The following AGBL1 variants were observed in gnomAD, a reference collection of about 807,000 sequenced individuals.
AGBL1 encodes AGBL carboxypeptidase 1.
In AGBL1, 130 loss-of-function variants were observed where a neutral mutation model predicts 118.9. The ratio of observed to expected loss-of-function variants is 1.09; its 90% CI spans 0.95 to 1.26. The LOEUF is 1.26. Among genes scored for constraint, AGBL1 ranks in the 50% most tolerant of loss-of-function variants. AGBL1 has a pLI of 0.00. For missense variants in AGBL1, 1,584 were observed against 1,298.1 expected (o/e 1.22, Z -3.38); for synonymous variants, 555 against 478.9 (o/e 1.16, Z -2.08).
intron 23 of AGBL1, among the ~76,000 whole-genome samples, chr15:86,963,745 C>T (rs780585776): frequency 4.0e-5 from 6 of 151,860 alleles, no homozygotes; most frequent in Non-Finnish European, 7.4e-5. Flanking sequence ...TTTTGAGTTA[C>T]TGCCTTTCTC....
chr15:86,752,458 C>T (rs150002945), intron 22 of AGBL1, among the ~76,000 whole-genome samples: 2 of 152,164 alleles, frequency 1.3e-5, no homozygotes, highest in African/African-American at 2.4e-5. Context: ...CTAGGTTCTT[C>T]CTGAGGTAAT....
At chr15:86,431,304 T>C (rs2081932875) in intron 18 of AGBL1, among the ~76,000 whole-genome samples, 1 of 152,218 alleles carries the variant, frequency 6.6e-6, no homozygotes, top group Admixed American at 6.5e-5. Context: ...CCTACTTTCT[T>C]ATAAGTAAAA....
intron 18 of AGBL1, among the ~76,000 whole-genome samples, chr15:86,470,160 A>G (rs1390244460): frequency 6.6e-6 from 1 of 152,122 alleles, no homozygotes; most frequent in Non-Finnish European, 1.5e-5. Context: ...ACTAATGTTA[A>G]TAAGTTTTTG....
chr15:86,547,081 G>A (rs1377402387), intron 20 of AGBL1, among the ~76,000 whole-genome samples: 1 of 152,046 alleles, frequency 6.6e-6, no homozygotes, highest in East Asian at 1.9e-4. Context: ...ATAGACTGCC[G>A]CTGATCAATA....
intron 22 of AGBL1, among the ~76,000 whole-genome samples, chr15:86,819,947 T>C (rs1430026812): frequency 1.3e-5 from 2 of 152,106 alleles, no homozygotes; most frequent in Non-Finnish European, 2.9e-5. Context: ...AACAGATATA[T>C]AGACCAATGG....
chr15:86,684,799 ACT>A (rs935026477), intron 22 of AGBL1, among the ~76,000 whole-genome samples: 5 of 152,120 alleles, frequency 3.3e-5, no homozygotes, highest in African/African-American at 1.2e-4. Flanking sequence ...TCCTGCATTT[ACT>A]CTCAAAGGTA....
At chr15:86,646,706 G>A (rs944498946) in intron 21 of AGBL1, among the ~76,000 whole-genome samples, 4 of 151,938 alleles carry the variant, frequency 2.6e-5, no homozygotes, top group African/African-American at 9.7e-5. Context: ...AAAGTCAGGG[G>A]GTCACAATTT....
At chr15:86,128,954 A>G (rs564716513) in intron 1 of AGBL1, among the ~76,000 whole-genome samples, 1 of 152,334 alleles carries the variant, frequency 6.6e-6, no homozygotes, top group East Asian at 1.9e-4. Flanking sequence ...TCTCCCAATT[A>G]TATTAACACA....
chr15:86,495,877 G>C (rs2082847143), intron 18 of AGBL1, among the ~76,000 whole-genome samples: 1 of 151,192 alleles, frequency 6.6e-6, no homozygotes, highest in Non-Finnish European at 1.5e-5. Flanking sequence ...ATCTCTGAAG[G>C]ATGTTTATAA....
At chr15:86,189,074 A>G (rs1009488561) in intron 5 of AGBL1, among the ~76,000 whole-genome samples, 2 of 152,228 alleles carry the variant, frequency 1.3e-5, no homozygotes, top group African/African-American at 4.8e-5. Flanking sequence ...GTCAATGAAA[A>G]GGGCAACCAA....
intron 21 of AGBL1, among the ~76,000 whole-genome samples, chr15:86,581,662 G>A (rs1461127711): frequency 6.6e-6 from 1 of 152,106 alleles, no homozygotes; most frequent in African/African-American, 2.4e-5. Flanking sequence ...TGAATGGGTT[G>A]AGTACAGCTG....
chr15:86,549,750 A>C (rs2083638504), intron 20 of AGBL1, among the ~76,000 whole-genome samples: 1 of 151,912 alleles, frequency 6.6e-6, no homozygotes, highest in Admixed American at 6.6e-5. Context: ...TATGTTCAAA[A>C]GTTAATGGCA....
rs1245927200 is a variant in AGBL1, at chr15:86,909,155, A to C, written c.*1861A>C. The C allele has an allele frequency of 2.0e-5, 3 of 152,254 alleles. No homozygotes were observed. Among genetic ancestry groups the C allele is most frequent in the Admixed American group, 6.5e-5 (1 of 15,286 alleles). 9.4% of individuals were successfully genotyped at this position (152,254 alleles called of 1,614,324 possible). A position where few individuals can be genotyped will look rare whatever the true frequency, so the allele number is the denominator to read the frequency against. ...TCTTCTTAATCCCACCGGCTGAAAA[A>C]AATGGGCCTATAGCCACAGGAAGCT... On this transcript the variant is annotated 3_prime_UTR_variant, in exon 23 of 23. Coordinates refer to ENST00000614907, the MANE Select transcript of AGBL1 (RefSeq NM_001386094.1).
chr15:87,009,863 T>G (rs1457350335), intron 24 of AGBL1, among the ~76,000 whole-genome samples: 1 of 152,246 alleles, frequency 6.6e-6, no homozygotes, highest in African/African-American at 2.4e-5. Flanking sequence ...TTCTCTCATT[T>G]GAAATGGCCG....
At position 86,268,828 on chromosome 15, in the gene AGBL1, G is replaced by A. The variant is rs141864473; in HGVS notation, c.1839-1091G>A. Among the ~76,000 whole-genome samples the A allele has an allele frequency of 2.7e-3, 416 of 152,232 alleles. 2 individuals are homozygous for A. The highest frequency in any genetic ancestry group is 9.5e-3 in the African/African-American group (394 of 41,544). On this transcript the variant is annotated intron_variant, in intron 13 of 22. Coordinates refer to ENST00000614907, the MANE Select transcript of AGBL1 (RefSeq NM_001386094.1). ...TCTGCTCTCATCTGTCTTATACCAA[G>A]CTCAGCGTTTCATAAATCTCACACA...
chr15:86,425,118 T>A (rs2081850398), intron 18 of AGBL1, among the ~76,000 whole-genome samples: 1 of 152,146 alleles, frequency 6.6e-6, no homozygotes, highest in African/African-American at 2.4e-5. Context: ...CTATTCACAA[T>A]AGCAAACACT....
intron 18 of AGBL1, among the ~76,000 whole-genome samples, chr15:86,459,365 C>T (rs367941688): frequency 3.9e-5 from 6 of 152,086 alleles, no homozygotes; most frequent in East Asian, 3.9e-4. Flanking sequence ...GAAGCCACAA[C>T]GAGTGACAAA....
intron 21 of AGBL1, among the ~76,000 whole-genome samples, chr15:86,637,494 A>C (rs754167764): frequency 2.3e-4 from 35 of 152,262 alleles, no homozygotes; most frequent in Non-Finnish European, 3.8e-4. Context: ...AGAGAGGAGG[A>C]AAAGAAGCTA....
intron 5 of AGBL1, among the ~76,000 whole-genome samples, chr15:86,182,467 A>G (rs958815723): frequency 2.0e-5 from 3 of 152,044 alleles, no homozygotes; most frequent in African/African-American, 4.8e-5. Flanking sequence ...AGTTCTTTAT[A>G]TTCTTAGATT....
Sources: allele counts gnomAD v4.1 joint callset (sites outside exome capture counted in the v4.1 genomes callset), GRCh38; gene constraint gnomAD v4.1.1; transcripts MANE v1.5; gene names NCBI Gene and HGNC (gene_info 2026-07-23, HGNC 2026-07-21).